Variants in HMGA2 observed in about 807,000 individuals in gnomAD.
HMGA2 encodes the protein high mobility group protein HMGI-C.
A neutral mutation model predicts 19.1 loss-of-function variants in HMGA2; 8 were observed. That is an observed-to-expected ratio of 0.42 (90% confidence interval 0.25 to 0.76). The LOEUF (loss-of-function observed/expected upper bound fraction) is 0.76. Ranked by LOEUF, HMGA2 falls within the 30% of genes least tolerant of loss-of-function variation. The pLI is 0.28. For synonymous variants in HMGA2, 60 were observed against 48.8 expected (o/e 1.23, Z -0.96); for missense variants, 109 against 136.3 (o/e 0.80, Z 1.00).
chr12:65,838,449 T>A, intron 2 of HMGA2, 70 bp from the exon 3 acceptor site: 1 of 1,143,824 alleles, frequency 8.7e-7, no homozygotes, highest in East Asian at 2.4e-5. Context: ...ACTTCAAATG[T>A]GTCCCTTGGT....
At chr12:65,887,404 T>C (rs1482329852) in intron 3 of HMGA2, among the ~76,000 whole-genome samples, 3 of 152,014 alleles carry the variant, frequency 2.0e-5, no homozygotes, top group Non-Finnish European at 4.4e-5. Flanking sequence ...CCTGGCAACA[T>C]GGCAAAACCC....
chr12:65,956,313 T>A (rs2121321388), intron 4 of HMGA2: 1 of 152,338 alleles, frequency 6.6e-6, no homozygotes, highest in Non-Finnish European at 1.5e-5. Flanking sequence ...AAGGTTGCCC[T>A]AAGTTGCACG....
At chr12:65,921,331 C>T (rs1424510569) in intron 3 of HMGA2, among the ~76,000 whole-genome samples, 1 of 152,194 alleles carries the variant, frequency 6.6e-6, no homozygotes, top group Non-Finnish European at 1.5e-5. Flanking sequence ...AGGATCTCGG[C>T]TCACTGCAAG....
intron 3 of HMGA2, among the ~76,000 whole-genome samples, chr12:65,932,952 A>C (rs1259847449): frequency 6.6e-6 from 1 of 152,318 alleles, no homozygotes; most frequent in Admixed American, 6.5e-5. Flanking sequence ...TCAAAACATC[A>C]GTGATTTTGG....
intron 3 of HMGA2, among the ~76,000 whole-genome samples, chr12:65,905,448 T>G (rs1043678740): frequency 1.3e-5 from 2 of 152,110 alleles, no homozygotes; most frequent in Admixed American, 6.5e-5. Flanking sequence ...GAAAAAAAAA[T>G]TACCAATATT....
At chr12:65,877,818 A>AG (rs1873131710) in intron 3 of HMGA2, among the ~76,000 whole-genome samples, 1 of 152,072 alleles carries the variant, frequency 6.6e-6, no homozygotes, top group African/African-American at 2.4e-5. Flanking sequence ...TTGCTTCAAA[A>AG]AAAAAATTAA....
intron 3 of HMGA2, among the ~76,000 whole-genome samples, chr12:65,911,279 C>G (rs1166753566): frequency 6.6e-6 from 1 of 152,100 alleles, no homozygotes; most frequent in East Asian, 1.9e-4. Context: ...GTTAGAAAAA[C>G]AGATATTCAA....
chr12:65,888,362 C>T (rs1425775287), intron 3 of HMGA2, among the ~76,000 whole-genome samples: 4 of 150,872 alleles, frequency 2.7e-5, no homozygotes, highest in African/African-American at 9.7e-5. Flanking sequence ...GGCTGAGGCA[C>T]GAGAATTGCT....
chr12:65,841,285 G>A (rs1411025288), intron 3 of HMGA2, among the ~76,000 whole-genome samples: 1 of 151,984 alleles, frequency 6.6e-6, no homozygotes, highest in Non-Finnish European at 1.5e-5. Context: ...AGAATAGCTG[G>A]GCCATTTTCT....
intron 3 of HMGA2, chr12:65,874,326 T>C (rs1215451545): frequency 6.6e-6 from 1 of 151,952 alleles, no homozygotes; most frequent in Non-Finnish European, 1.5e-5. Flanking sequence ...AGTCTACTAC[T>C]TAGTTGAAGA....
chr12:65,824,763 CT>C lies in HMGA2; in HGVS notation c.-507del. ...TCTCTCTCTCTCTCTCTCTCTCTCT[CT>C]CTCTCGCAGGGTGGGGGGAAGAGGA... On this transcript the variant is annotated 5_prime_UTR_variant, in exon 1 of 5. Coordinates refer to ENST00000403681, the MANE Select transcript of HMGA2 (RefSeq NM_003483.6). 2 of 215,914 alleles carry C rather than the reference CT, an allele frequency of 9.3e-6. No individual in the cohort carries two copies. The highest frequency in any genetic ancestry group is 3.8e-4 in the South Asian group (2 of 5,330). The allele number at this position is 215,914 out of a possible 1,614,324, so 13.4% of individuals were successfully genotyped here.
intron 3 of HMGA2, among the ~76,000 whole-genome samples, chr12:65,892,733 C>T (rs954329869): frequency 2.0e-5 from 3 of 152,052 alleles, no homozygotes; most frequent in African/African-American, 4.8e-5. Flanking sequence ...CTTTTTGATG[C>T]CTTCAGCCGT....
intron 3 of HMGA2, among the ~76,000 whole-genome samples, chr12:65,913,008 A>C (rs1874910590): frequency 6.6e-6 from 1 of 152,212 alleles, no homozygotes; most frequent in East Asian, 1.9e-4. Context: ...CATTCAGATA[A>C]AAAATCTCTA....
Position 65,946,257 on chromosome 12 carries a change from GT to G in HMGA2, c.250-5124del, listed in dbSNP as rs1206168618. Among the ~76,000 whole-genome samples, 4 of 152,178 alleles carry G rather than the reference GT, an allele frequency of 2.6e-5. No homozygotes were observed. The East Asian group carries it at 7.7e-4, about 29-fold the overall frequency. On this transcript the variant is annotated intron_variant, in intron 3 of 4. Coordinates refer to ENST00000403681, the MANE Select transcript of HMGA2 (RefSeq NM_003483.6). ...TGCTATGGCACAGAAGTACCTATTG[GT>G]TGAACAATGGTCATATGATTTTAAA...
At chr12:65,834,643 C>T (rs1870634034) in intron 2 of HMGA2, among the ~76,000 whole-genome samples, 1 of 151,334 alleles carries the variant, frequency 6.6e-6, no homozygotes, top group Admixed American at 6.6e-5. Context: ...TGCCTCCCTC[C>T]TTCCCTTCCT....
chr12:65,909,249 G>T (rs552104561), intron 3 of HMGA2, among the ~76,000 whole-genome samples: 1 of 152,244 alleles, frequency 6.6e-6, no homozygotes, highest in African/African-American at 2.4e-5. Context: ...TTTGTCTGGC[G>T]CCAGCACAAA....
chr12:65,870,010 TG>T (rs1872626716), intron 3 of HMGA2, among the ~76,000 whole-genome samples: 3 of 151,016 alleles, frequency 2.0e-5, no homozygotes, highest in South Asian at 4.2e-4. Flanking sequence ...GTATTGGTCA[TG>T]ATTTGCAAAA....
intron 3 of HMGA2, among the ~76,000 whole-genome samples, chr12:65,927,851 G>GTGTA (rs1555187383): frequency 6.7e-6 from 1 of 149,248 alleles, no homozygotes; most frequent in Non-Finnish European, 1.5e-5. Flanking sequence ...GTGTGTGTGT[G>GTGTA]TATATATATT....
intron 3 of HMGA2, among the ~76,000 whole-genome samples, chr12:65,869,126 T>C (rs1339563555): frequency 6.6e-6 from 1 of 152,218 alleles, no homozygotes; most frequent in Non-Finnish European, 1.5e-5. Context: ...AACTGTTTTC[T>C]AAGGATCTGA....
Sources: allele counts gnomAD v4.1 joint callset (sites outside exome capture counted in the v4.1 genomes callset), GRCh38; gene constraint gnomAD v4.1.1; transcripts MANE v1.5; gene names NCBI Gene and HGNC (gene_info 2026-07-23, HGNC 2026-07-21).